KIF13B: variants seen among roughly 807,000 people sequenced by gnomAD.
KIF13B encodes kinesin-like protein KIF13B.
KIF13B carries 127 observed loss-of-function variants against 222.0 expected under a neutral mutation model. That is an observed-to-expected ratio of 0.57 (90% CI 0.50 to 0.66). The LOEUF is 0.66. KIF13B is among the 30% of genes least tolerant of loss of function. The pLI, the probability that KIF13B is intolerant of heterozygous loss-of-function variation, is 0.00. For synonymous variants in KIF13B, 976 were observed against 919.0 expected, an observed-to-expected ratio of 1.06 and a Z score of -1.12; for missense variants, 2,173 against 2,379.0, an observed-to-expected ratio of 0.91 and a Z score of 1.80.
intron 31 of KIF13B, among the ~76,000 whole-genome samples, chr8:29,114,273 C>A (rs929511714): frequency 2.0e-5 from 3 of 152,084 alleles, no homozygotes; most frequent in Non-Finnish European, 2.9e-5. Flanking sequence ...ATGTGAAGCC[C>A]CCAAGAAAAG....
At chr8:29,175,593 A>C (rs1170126800) in intron 10 of KIF13B, among the ~76,000 whole-genome samples, 4 of 152,234 alleles carry the variant, frequency 2.6e-5, no homozygotes, top group African/African-American at 9.6e-5. Flanking sequence ...TAAGAAGCCA[A>C]AAGCAAATTA....
chr8:29,132,407 G>C lies in KIF13B; in HGVS notation c.2843C>G (p.Ala948Gly), dbSNP rs1810384547. The change falls in exon 23 of 40, where the codon GCA (alanine) becomes GGA (glycine). Residue 948 changes from alanine to glycine, a missense_variant. Ala to Gly is a moderately conservative substitution (Grantham distance 60). Transcript: ENST00000524189. The part of the protein sequence containing the change: ...FIEHLSEGAL[A>G]IEVYGHKIND... ...TATTTTATGTCCATATACTTCAATT[G>C]CCAATGCTCCTTCGGAAAGATGCTC... The C allele has an allele frequency of 6.3e-7, 1 of 1,590,512 alleles. No homozygotes were observed. The highest frequency in any genetic ancestry group is 1.4e-5 in the African/African-American group (1 of 73,666).
intron 18 of KIF13B, among the ~76,000 whole-genome samples, chr8:29,144,662 G>A (rs896158892): frequency 1.3e-5 from 2 of 152,166 alleles, no homozygotes; most frequent in Non-Finnish European, 2.9e-5. Flanking sequence ...CTTTCCTGGG[G>A]GAGAATGCTG....
intron 21 of KIF13B, among the ~76,000 whole-genome samples, chr8:29,139,406 G>C (rs1810707730): frequency 6.6e-6 from 1 of 152,134 alleles, no homozygotes; most frequent in Non-Finnish European, 1.5e-5. Flanking sequence ...ATCATCACAT[G>C]ACTCAAAGGA....
chr8:29,194,306 T>A (rs1168316898), intron 3 of KIF13B, among the ~76,000 whole-genome samples: 5 of 139,278 alleles, frequency 3.6e-5, no homozygotes, highest in Non-Finnish European at 7.9e-5. Flanking sequence ...TTTTTTTTTT[T>A]ACTTGTCTTT....
intron 2 of KIF13B, among the ~76,000 whole-genome samples, chr8:29,199,388 GTCTAGCACATAC>G (rs1813584895): frequency 6.6e-6 from 1 of 151,980 alleles, no homozygotes; most frequent in South Asian, 2.1e-4. Context: ...AAGTCAACCC[GTCTAGCACATAC>G]TTCAGGTTGT....
At chr8:29,245,837 C>T (rs951714327) in intron 1 of KIF13B, among the ~76,000 whole-genome samples, 11 of 152,080 alleles carry the variant, frequency 7.2e-5, no homozygotes, top group Admixed American at 2.6e-4. Context: ...AAACATGTTA[C>T]GCAGAATACA....
intron 36 of KIF13B, among the ~76,000 whole-genome samples, chr8:29,097,723 A>T (rs1808598827): frequency 6.6e-6 from 1 of 152,234 alleles, no homozygotes; most frequent in Non-Finnish European, 1.5e-5. Flanking sequence ...AGAAAAATTT[A>T]AAAAATCAAT....
At chr8:29,096,010 C>G in intron 36 of KIF13B, among the ~76,000 whole-genome samples, 1 of 148,526 alleles carries the variant, frequency 6.7e-6, no homozygotes, top group East Asian at 2.0e-4. Context: ...AAGACAGAGT[C>G]TCACTCTGTC....
Position 29,127,757 on chromosome 8 carries a change from C to T in KIF13B, c.3076-489G>A, listed in dbSNP as rs182081070. On this transcript the variant is annotated intron_variant, in intron 24 of 39. Coordinates refer to ENST00000524189, the MANE Select transcript of KIF13B (RefSeq NM_015254.4). ...GCAATTTGACTTAAAAATATAAGTT[C>T]CTTTAACCCAGCAATTCAACTTTCC... is the stretch of plus-strand genomic sequence containing the variant. Among the ~76,000 whole-genome samples, 37 of 152,252 alleles carry T rather than the reference C, an allele frequency of 2.4e-4. 1 individual carries two copies. In the East Asian group the frequency reaches 6.6e-3, roughly 27 times the overall value.
chr8:29,084,592 G>A (rs1336223556), intron 37 of KIF13B, among the ~76,000 whole-genome samples: 1 of 152,214 alleles, frequency 6.6e-6, no homozygotes, highest in Non-Finnish European at 1.5e-5. Context: ...CATTGTGACT[G>A]TGCTTTTGAT....
Position 29,070,647 on chromosome 8 carries a change from C to G in KIF13B, c.5338G>C (p.Gly1780Arg), listed in dbSNP as rs766188778. The G allele has an allele frequency of 3.8e-5, 59 of 1,564,930 alleles. No homozygotes were observed. Among genetic ancestry groups the G allele is most frequent in the Non-Finnish European group, 4.9e-5 (57 of 1,154,894 alleles). Residue 1780 changes from glycine (G) to arginine (R), a missense_variant, in exon 40 of 40, where the codon GGA becomes CGA. By Grantham distance (125) the Gly-to-Arg change is moderately radical. Coordinates refer to ENST00000524189, the MANE Select transcript of KIF13B (RefSeq NM_015254.4). The surrounding 1 kb of genome is among the most constrained non-coding windows in gnomAD (Gnocchi z 4.1). ...GCCTCGGGGGCACCCAGCCGGAGTC[C>G]TGTGCTGCGCCGCCGCACAGGGCCC... ...ATGPVRRRST[G>R]LRLGAPEARR...
chr8:29,140,558 A>T lies in KIF13B; in HGVS notation c.2394T>A (p.Ser798Arg). The T allele has an allele frequency of 6.2e-7, 1 of 1,613,660 alleles. No homozygotes were observed. The highest frequency in any genetic ancestry group is 8.5e-7 in the Non-Finnish European group (1 of 1,179,574). The change falls in exon 20 of 40, where the codon AGT (serine) becomes AGA (arginine). Residue 798 changes from serine to arginine, a missense_variant. Physicochemically the swap from Ser to Arg is moderately radical, Grantham distance 110. This residue lies in a region of KIF13B where 1,480 missense variants were observed against 1,722.8 expected (regional missense o/e 0.86). Coordinates refer to ENST00000524189, the MANE Select transcript of KIF13B (RefSeq NM_015254.4). ...GGAAGACATTGGCCACCCCAATGAG[A>T]CTGTGATTTTCCTGCTCATCATAGA... Reference protein sequence around the residue: ...DPFYDEQENHSLIGVANVFLE... With the variant: ...DPFYDEQENHRLIGVANVFLE...
chr8:29,160,588 A>C (rs543837653), intron 13 of KIF13B, 145 bp downstream of exon 13: 241 of 549,340 alleles, frequency 4.4e-4, no homozygotes, highest in Non-Finnish European at 6.8e-4. Context: ...AAGACTAAAA[A>C]AGAAAACTGA....
intron 37 of KIF13B, among the ~76,000 whole-genome samples, chr8:29,077,044 G>A (rs1807597403): frequency 6.6e-6 from 1 of 152,204 alleles, no homozygotes; most frequent in Non-Finnish European, 1.5e-5. Flanking sequence ...ACTTTACACT[G>A]CAACCACTAG....
intron 18 of KIF13B, among the ~76,000 whole-genome samples, chr8:29,145,032 A>G (rs979496324): frequency 6.6e-6 from 1 of 152,164 alleles, no homozygotes; most frequent in African/African-American, 2.4e-5. Flanking sequence ...TATAAAATCA[A>G]AGAGGATCTT....
chr8:29,249,752 C>G (rs1463739202), intron 1 of KIF13B, among the ~76,000 whole-genome samples: 10 of 152,102 alleles, frequency 6.6e-5, no homozygotes, highest in African/African-American at 2.4e-4. Context: ...TCTCCTTTAG[C>G]CAACACATTT....
intron 38 of KIF13B, among the ~76,000 whole-genome samples, chr8:29,073,335 C>T (rs571059408): frequency 6.6e-6 from 1 of 152,258 alleles, no homozygotes; most frequent in South Asian, 2.1e-4. Context: ...CAGCAGCTCT[C>T]CTCATGTCGG....
At chr8:29,148,458 G>T in intron 16 of KIF13B, 119 bp downstream of exon 16, 3 of 567,000 alleles carry the variant, frequency 5.3e-6, no homozygotes, top group Non-Finnish European at 8.7e-6. Flanking sequence ...AAGAGCAGTG[G>T]TTATTCACGG....
Sources: allele counts gnomAD v4.1 joint callset (sites outside exome capture counted in the v4.1 genomes callset), GRCh38; gene constraint gnomAD v4.1.1; regional missense constraint gnomAD v4.1.1; non-coding constraint Gnocchi (gnomAD v3.1); transcripts MANE v1.5; gene names NCBI Gene and HGNC (gene_info 2026-07-23, HGNC 2026-07-21).